The following BTD variants were observed in gnomAD, a reference collection of about 807,000 sequenced individuals.
BTD encodes the protein biocytinase.
BTD carries 13 observed loss-of-function variants against 17.7 expected under a neutral mutation model. That is an observed-to-expected ratio of 0.74 (90% confidence interval 0.48 to 1.17). The LOEUF (loss-of-function observed/expected upper bound fraction) is 1.17, where lower values mean the gene tolerates loss of function less well. BTD is among the 50% of genes most tolerant of loss of function. The pLI, the probability that BTD is intolerant of heterozygous loss-of-function variation, is 0.00. For synonymous variants in BTD, 240 were observed against 245.2 expected (o/e 0.98, Z 0.20); for missense variants, 674 against 650.4 (o/e 1.04, Z -0.39).
intron 3 of BTD, among the ~76,000 whole-genome samples, chr3:15,643,042 AAAT>A (rs2065575330): frequency 1.2e-4 from 12 of 103,348 alleles, no homozygotes; most frequent in African/African-American, 5.9e-4. Flanking sequence ...AAAAAAAAAA[AAAT>A]AAAATAAAAT....
chr3:15,680,306 G>A (rs1407451225), intron 3 of BTD, among the ~76,000 whole-genome samples: 5 of 152,082 alleles, frequency 3.3e-5, no homozygotes, highest in Non-Finnish European at 2.9e-5. Flanking sequence ...CTGGGTTCAA[G>A]TGATTCTCCT....
chr3:15,686,509 T>C, intron 3 of BTD: 1 of 584,840 alleles, frequency 1.7e-6, no homozygotes, highest in Non-Finnish European at 3.0e-6. Flanking sequence ...TTCCTCACAG[T>C]AAAACATGAC....
At chr3:15,666,053 C>T (rs1473274639) in intron 3 of BTD, among the ~76,000 whole-genome samples, 1 of 152,184 alleles carries the variant, frequency 6.6e-6, no homozygotes, top group African/African-American at 2.4e-5. Context: ...AGACATCATT[C>T]TTTTAGGATC....
chr3:15,720,984 A>C (rs1207989258), intron 4 of BTD: 1 of 1,613,862 alleles, frequency 6.2e-7, no homozygotes, highest in African/African-American at 1.3e-5. Flanking sequence ...TTGATGCAGC[A>C]GCAAAGTGCA....
At chr3:15,684,949 T>A in intron 3 of BTD, 1 of 372,388 alleles carries the variant, frequency 2.7e-6, no homozygotes, top group Non-Finnish European at 5.0e-6. Context: ...CATAGCAAGA[T>A]CCTACCAAAA....
At chr3:15,693,327 C>CAGAGAG (rs59750718) in intron 3 of BTD, among the ~76,000 whole-genome samples, 5 of 148,390 alleles carry the variant, frequency 3.4e-5, no homozygotes, top group East Asian at 2.0e-4. Context: ...AATGGGGGGG[C>CAGAGAG]AGAGAGAGAG....
chr3:15,647,644 C>T lies in BTD; in HGVS notation c.*2156C>T, dbSNP rs1395781005. 6.6e-6 allele frequency: 1 copy of T among 152,176 alleles called. No homozygotes were observed. Among genetic ancestry groups the T allele is most frequent in the Non-Finnish European group, 1.5e-5 (1 of 68,046 alleles). The allele number at this position is 152,176 out of a possible 1,614,324, so 9.4% of individuals were successfully genotyped here. A position where few individuals can be genotyped will look rare whatever the true frequency, so the allele number is the denominator to read the frequency against. On this transcript the variant is annotated 3_prime_UTR_variant, in exon 4 of 4. Coordinates refer to ENST00000643237, the MANE Select transcript of BTD (RefSeq NM_001370658.1). ...AATCATTTTCAGGGAAAAAATATAT[C>T]TATGACTAATGGTTGTGATTATGTT... is the stretch of plus-strand genomic sequence containing the variant.
At chr3:15,629,831 C>T (rs1183428906) in intron 1 of BTD, among the ~76,000 whole-genome samples, 1 of 152,180 alleles carries the variant, frequency 6.6e-6, no homozygotes, top group Non-Finnish European at 1.5e-5. Context: ...GTCTCATTAT[C>T]ATTACTAACC....
chr3:15,708,797 G>T (rs1224625614), intron 3 of BTD, among the ~76,000 whole-genome samples: 3 of 152,044 alleles, frequency 2.0e-5, no homozygotes, highest in Non-Finnish European at 4.4e-5. Flanking sequence ...ATTCATTTCT[G>T]ATTTCCTACC....
intron 1 of BTD, among the ~76,000 whole-genome samples, chr3:15,605,852 T>G (rs1174160259): frequency 1.3e-5 from 2 of 152,076 alleles, no homozygotes; most frequent in East Asian, 3.9e-4. Context: ...GAGGCCAGCC[T>G]GGCCAATGTG....
At position 15,718,149 on chromosome 3, in the gene BTD, A is replaced by G. The variant is rs374057373; in HGVS notation, c.1016-3621A>G. ...ATATTCTTGCTGGATGAAAACTCACAGCTATCAACATATTGTGTGTAAGAG... is the reference window on the plus strand; with the variant it reads ...ATATTCTTGCTGGATGAAAACTCACGGCTATCAACATATTGTGTGTAAGAG... On this transcript the variant is annotated intron_variant, in intron 4 of 4. Coordinates refer to the BTD transcript ENST00000672427. Among the ~76,000 whole-genome samples the G allele has an allele frequency of 9.4e-4, 143 of 152,334 alleles. No homozygotes were observed. In the South Asian group the frequency reaches 0.028, roughly 30 times the overall value.
chr3:15,616,411 T>G (rs2064794730), intron 1 of BTD, among the ~76,000 whole-genome samples: 2 of 151,882 alleles, frequency 1.3e-5, no homozygotes, highest in African/African-American at 4.8e-5. Context: ...AGGTCAGGAG[T>G]TTGAGACAAG....
intron 1 of BTD, among the ~76,000 whole-genome samples, chr3:15,613,935 C>T (rs1470964313): frequency 2.0e-5 from 3 of 151,930 alleles, no homozygotes; most frequent in South Asian, 2.1e-4. Context: ...CCTCTGGTTG[C>T]GTCTAAGATT....
chr3:15,720,342 C>T (rs1215642782), intron 4 of BTD, among the ~76,000 whole-genome samples: 1 of 152,058 alleles, frequency 6.6e-6, no homozygotes, highest in Non-Finnish European at 1.5e-5. Flanking sequence ...CTAAATTGTA[C>T]CACTAGTATT....
chr3:15,622,178 T>C (rs550672393), intron 1 of BTD, among the ~76,000 whole-genome samples: 1 of 152,326 alleles, frequency 6.6e-6, no homozygotes, highest in Non-Finnish European at 1.5e-5. Flanking sequence ...GTGTTTATTA[T>C]TTCTGTCATT....
At chr3:15,663,741 T>C (rs1357471813) in intron 3 of BTD, among the ~76,000 whole-genome samples, 2 of 152,134 alleles carry the variant, frequency 1.3e-5, no homozygotes, top group African/African-American at 2.4e-5. Flanking sequence ...ACTGATGTTA[T>C]TAATCTTTAA....
intron 3 of BTD, among the ~76,000 whole-genome samples, chr3:15,674,196 AAAG>A (rs1553573254): frequency 1.5e-5 from 2 of 130,080 alleles, no homozygotes; most frequent in African/African-American, 3.3e-5. Context: ...AAAAAAAAAA[AAAG>A]AAGAAGAACC....
At chr3:15,700,296 C>T (rs1380029468) in intron 3 of BTD, among the ~76,000 whole-genome samples, 6 of 151,642 alleles carry the variant, frequency 4.0e-5, no homozygotes, top group East Asian at 1.9e-4. Context: ...GGGGCCTGTC[C>T]GGGGTGGGGG....
rs1408984913 is a variant in BTD, at chr3:15,614,725, T to G, written c.-17+12831T>G. ...AATCGCCCTACCTTAGCCACCCAAG[T>G]AGCTGGGACTACAGGCATGCACCAC... On this transcript the variant is annotated intron_variant, in intron 1 of 3. Transcript: ENST00000643237. Among the ~76,000 whole-genome samples, 4 of 151,922 alleles carry G rather than the reference T, an allele frequency of 2.6e-5. No homozygotes were observed. The East Asian group carries it at 7.7e-4, about 29-fold the overall frequency.
Sources: allele counts gnomAD v4.1 joint callset (sites outside exome capture counted in the v4.1 genomes callset), GRCh38; gene constraint gnomAD v4.1.1; transcripts MANE v1.5; gene names NCBI Gene and HGNC (gene_info 2026-07-23, HGNC 2026-07-21).